Variants in GMDS observed in about 807,000 individuals in gnomAD.
The protein encoded by GMDS is GDP-mannose 4,6-dehydratase, also known as GDP-mannose 4,6 dehydratase.
In GMDS, 20 loss-of-function variants were observed where a neutral mutation model predicts 49.9. That is an observed-to-expected ratio of 0.40 (90% CI 0.28 to 0.58). GMDS has a LOEUF of 0.58. Among genes scored for constraint, GMDS ranks in the 20% least tolerant of loss-of-function variants. GMDS has a pLI of 0.42. For missense variants in GMDS, 362 were observed against 481.4 expected, an observed-to-expected ratio of 0.75 and a Z score of 2.32; for synonymous variants, 177 against 178.6, an observed-to-expected ratio of 0.99 and a Z score of 0.07.
chr6:2,129,233 T>TA (rs1026420766), intron 1 of GMDS, among the ~76,000 whole-genome samples: 5 of 151,546 alleles, frequency 3.3e-5, no homozygotes, highest in Non-Finnish European at 5.9e-5. Flanking sequence ...CACAGATGGC[T>TA]AAAAAAAAGA....
At chr6:1,627,993 C>T (rs1187299527) in intron 9 of GMDS, among the ~76,000 whole-genome samples, 1 of 152,210 alleles carries the variant, frequency 6.6e-6, no homozygotes, top group Non-Finnish European at 1.5e-5. Context: ...ATGTCTCCGT[C>T]CACACAGCCC....
At chr6:1,710,598 T>C (rs1334197893) in intron 9 of GMDS, among the ~76,000 whole-genome samples, 2 of 149,014 alleles carry the variant, frequency 1.3e-5, no homozygotes, top group African/African-American at 2.5e-5. Context: ...GAGGTTCCCC[T>C]TGGGAATGGT....
intron 1 of GMDS, among the ~76,000 whole-genome samples, chr6:2,236,803 T>G (rs1441252759): frequency 1.3e-5 from 2 of 152,360 alleles, no homozygotes; most frequent in East Asian, 3.9e-4. Flanking sequence ...GAACATATTT[T>G]TGTTAAACAT....
intron 7 of GMDS, among the ~76,000 whole-genome samples, chr6:1,913,829 A>C (rs1400575306): frequency 2.0e-5 from 3 of 152,198 alleles, no homozygotes; most frequent in Admixed American, 6.5e-5. Context: ...AAAACCAAAA[A>C]AGTACTAATA....
chr6:2,084,671 T>C (rs1282406131), intron 4 of GMDS, among the ~76,000 whole-genome samples: 1 of 151,990 alleles, frequency 6.6e-6, no homozygotes, highest in African/African-American at 2.4e-5. Flanking sequence ...CACGCCCGGC[T>C]AATTTTTTGT....
intron 8 of GMDS, among the ~76,000 whole-genome samples, chr6:1,730,060 C>T (rs1766734124): frequency 6.6e-6 from 1 of 151,946 alleles, no homozygotes. Flanking sequence ...GGGGCGGGGG[C>T]AACACACTCC....
At chr6:1,795,365 T>C (rs1769699261) in intron 7 of GMDS, among the ~76,000 whole-genome samples, 1 of 152,188 alleles carries the variant, frequency 6.6e-6, no homozygotes, top group Non-Finnish European at 1.5e-5. Context: ...CATACAACAC[T>C]AGTCTAATGG....
At chr6:1,723,153 T>A (rs1766445370) in intron 9 of GMDS, among the ~76,000 whole-genome samples, 1 of 152,182 alleles carries the variant, frequency 6.6e-6, no homozygotes, top group Non-Finnish European at 1.5e-5. Flanking sequence ...GAACCACTGG[T>A]GGCCTCTTTC....
chr6:1,801,673 G>A (rs1040081197), intron 7 of GMDS, among the ~76,000 whole-genome samples: 1 of 152,242 alleles, frequency 6.6e-6, no homozygotes, highest in African/African-American at 2.4e-5. Context: ...CTGAGCAAAT[G>A]AGGCCTGGCT....
intron 8 of GMDS, among the ~76,000 whole-genome samples, chr6:1,735,593 C>T (rs1444251000): frequency 1.3e-5 from 2 of 152,150 alleles, no homozygotes; most frequent in East Asian, 3.9e-4. Context: ...GTTCCACCCT[C>T]GCTCATCAGC....
chr6:1,787,953 T>C (rs1331355053), intron 7 of GMDS, among the ~76,000 whole-genome samples: 1 of 150,324 alleles, frequency 6.7e-6, no homozygotes, highest in Non-Finnish European at 1.5e-5. Context: ...CATGGGAGAG[T>C]GTGGAGAAGG....
intron 1 of GMDS, among the ~76,000 whole-genome samples, chr6:2,219,982 A>C (rs1243558807): frequency 2.0e-5 from 3 of 152,222 alleles, no homozygotes; most frequent in Admixed American, 6.5e-5. Flanking sequence ...GACAATGAAG[A>C]TGATGTCAAC....
intron 1 of GMDS, among the ~76,000 whole-genome samples, chr6:2,155,232 AC>A (rs1777053223): frequency 6.6e-6 from 1 of 152,200 alleles, no homozygotes; most frequent in Non-Finnish European, 1.5e-5. Context: ...CACTCAGAAG[AC>A]TATCTACAAC....
rs1756741987 is a variant in GMDS, at chr6:1,833,056, C to G, written c.772-90470G>C. Among the ~76,000 whole-genome samples the G allele has an allele frequency of 6.6e-6, 1 of 151,208 alleles. No individual in the cohort carries two copies. The highest frequency in any genetic ancestry group is 2.1e-4 in the South Asian group (1 of 4,770). On this transcript the variant is annotated intron_variant, in intron 7 of 10. Coordinates refer to ENST00000380815, the MANE Select transcript of GMDS (RefSeq NM_001500.4). The surrounding 1 kb of genome is among the most constrained non-coding windows in gnomAD (Gnocchi z 4.4). ...TGGGGTTGGCCTCTGATCACTCACACAAAGGACGGAAAATTGCTGGCGCCG... is the reference window on the plus strand; with the variant it reads ...TGGGGTTGGCCTCTGATCACTCACAGAAAGGACGGAAAATTGCTGGCGCCG...
chr6:1,835,058 T>C (rs1261461690), intron 7 of GMDS, among the ~76,000 whole-genome samples: 1 of 151,954 alleles, frequency 6.6e-6, no homozygotes, highest in Admixed American at 6.5e-5. Context: ...TCTCTACTGA[T>C]AGAGAGGGAG....
At chr6:2,071,331 G>A (rs1771983317) in intron 4 of GMDS, among the ~76,000 whole-genome samples, 1 of 151,800 alleles carries the variant, frequency 6.6e-6, no homozygotes, top group African/African-American at 2.4e-5. Flanking sequence ...TGATGAATTG[G>A]TCTCAACTAA....
At chr6:1,754,152 A>C (rs1767846201) in intron 7 of GMDS, among the ~76,000 whole-genome samples, 1 of 152,176 alleles carries the variant, frequency 6.6e-6, no homozygotes, top group South Asian at 2.1e-4. Context: ...AATAATAAAG[A>C]AGAAAAGAGA....
chr6:1,748,489 A>G (rs1265182588), intron 7 of GMDS, among the ~76,000 whole-genome samples: 1 of 152,176 alleles, frequency 6.6e-6, no homozygotes, highest in Admixed American at 6.5e-5. Context: ...TTTTGTTGGT[A>G]ACATGGTTTC....
chr6:2,028,714 A>C (rs941628066), intron 4 of GMDS, among the ~76,000 whole-genome samples: 2 of 152,242 alleles, frequency 1.3e-5, no homozygotes, highest in African/African-American at 4.8e-5. Context: ...AAAGAGCCTC[A>C]GAATGCTTTA....
Sources: gnomAD v4.1 joint callset for allele counts (sites outside exome capture counted in the v4.1 genomes callset) on GRCh38, gnomAD v4.1.1 for gene constraint, Gnocchi (gnomAD v3.1) non-coding constraint, MANE v1.5 for transcripts, NCBI Gene and HGNC (gene_info 2026-07-23, HGNC 2026-07-21) for gene names.